The following RPS9 variants were observed in gnomAD, a reference collection of about 807,000 sequenced individuals.
RPS9 encodes small ribosomal subunit protein uS4.
A neutral mutation model predicts 16.9 loss-of-function variants in RPS9; 1 was observed. The observed-to-expected ratio is 0.06, with a 90% CI of 0.02 to 0.28. The LOEUF (loss-of-function observed/expected upper bound fraction) is 0.28, where lower values mean the gene tolerates loss of function less well. Ranked by LOEUF, RPS9 falls within the 10% of genes least tolerant of loss-of-function variation. The pLI, the probability that RPS9 is intolerant of heterozygous loss-of-function variation, is 1.00. For synonymous variants in RPS9, 106 were observed against 110.9 expected (o/e 0.96, Z 0.28); for missense variants, 137 against 273.2 (o/e 0.50, Z 3.51).
At position 54,201,291 on chromosome 19, in the gene RPS9, C is replaced by A. The variant is rs375976616; in HGVS notation, c.97+10C>A. Reference sequence around the variant, plus strand: ...GAGCTGAAGCTGATCGGTGAGTGGCCAAGGCTTCCGGGAAGTGGTTCGGCT... The same window carrying A: ...GAGCTGAAGCTGATCGGTGAGTGGCAAAGGCTTCCGGGAAGTGGTTCGGCT... On this transcript the variant is annotated intron_variant, in intron 2 of 4. Transcript: ENST00000302907. The A allele has an allele frequency of 1.4e-5, 22 of 1,613,894 alleles. No individual in the cohort carries two copies. The highest frequency in any genetic ancestry group is 1.8e-5 in the Non-Finnish European group (21 of 1,180,008).
At chr19:54,206,768 C>T in intron 4 of RPS9, 2 of 1,431,976 alleles carry the variant, frequency 1.4e-6, no homozygotes, top group South Asian at 1.5e-5. Context: ...GAACCAGCCT[C>T]ACCTCGCTTG....
chr19:54,204,086 C>T (rs12973461), intron 3 of RPS9, among the ~76,000 whole-genome samples: 46,543 of 151,978 alleles, frequency 0.31, 8,394 homozygotes, highest in East Asian at 0.43. Context: ...ATAGATGGTT[C>T]AATAAATGTG....
At chr19:54,202,660 C>T (rs2077099579) in intron 3 of RPS9, 4 of 985,286 alleles carry the variant, frequency 4.1e-6, no homozygotes, top group African/African-American at 3.5e-5. Flanking sequence ...AGCAGATTGG[C>T]ATGACCAAGA....
Position 54,207,504 on chromosome 19 carries a change from C to T in RPS9, c.514C>T (p.Arg172Cys), listed in dbSNP as rs776634735. The T allele has an allele frequency of 6.2e-7, 1 of 1,613,040 alleles. No homozygotes were observed. The highest frequency in any genetic ancestry group is 8.5e-7 in the Non-Finnish European group (1 of 1,180,012). The change falls in exon 5 of 5, where the codon CGC becomes TGC. Residue 172 changes from arginine (R) to cysteine (C), a missense_variant. Arg to Cys is a radical substitution (Grantham distance 180, BLOSUM62 -3). Around this residue, in one of 3 missense-constraint regions of RPS9, gnomAD observed 54 missense variants for 90.9 expected, o/e 0.59. Coordinates refer to ENST00000302907, the MANE Select transcript of RPS9 (RefSeq NM_001013.4). ...TCCCTACGGGGGTGGCCGCCCGGGC[C>T]GCGTGAAGAGGAAGAATGCCAAGAA... is the stretch of plus-strand genomic sequence containing the variant. ...RSPYGGGRPG[R>C]VKRKNAKKGQ...
chr19:54,205,019 A>T (rs2077192127), intron 3 of RPS9, among the ~76,000 whole-genome samples: 1 of 152,166 alleles, frequency 6.6e-6, no homozygotes, highest in Non-Finnish European at 1.5e-5. Context: ...CTTTGCTTGG[A>T]GGGTAACAGT....
chr19:54,202,000 TG>T, intron 3 of RPS9: 1 of 193,224 alleles, frequency 5.2e-6, no homozygotes. Context: ...CTTGGTTTAT[TG>T]TTTTTTTAAT....
chr19:54,205,961 C>A lies in RPS9; in HGVS notation c.221-315C>A, dbSNP rs371238613. Among the ~76,000 whole-genome samples the A allele has an allele frequency of 2.6e-5, 4 of 152,334 alleles. No homozygotes were observed. In the East Asian group the frequency reaches 5.8e-4, roughly 22 times the overall value. On this transcript the variant is annotated intron_variant, in intron 3 of 4. Coordinates refer to ENST00000302907, the MANE Select transcript of RPS9 (RefSeq NM_001013.4). ...CCTCCTGAATAGCTGGGATTACAGG[C>A]AGTGCGCCAACGGCCTGGCTAATTT...
intron 1 of RPS9, 24 bp from the exon 2 acceptor site, chr19:54,201,136 C>T (rs76193453): frequency 1.9e-6 from 3 of 1,611,872 alleles, no homozygotes; most frequent in Admixed American, 1.7e-5. Flanking sequence ...GGATCCCTTA[C>T]GCTCACACTT....
chr19:54,204,816 T>C (rs2077186040), intron 3 of RPS9, among the ~76,000 whole-genome samples: 1 of 146,104 alleles, frequency 6.8e-6, no homozygotes, highest in African/African-American at 2.4e-5. Context: ...GACATGTTTT[T>C]GTATTTTGAT....
In RPS9 at chr19:54,201,468, AC is replaced by A. The variant is rs763327291; in HGVS notation, c.98-14del. The A allele has an allele frequency of 5.0e-6, 8 of 1,613,312 alleles. No homozygotes were observed. The highest frequency in any genetic ancestry group is 4.0e-5 in the African/African-American group (3 of 74,604). ...CCAGTACGTGGGACTACACTTGTCC[AC>A]CCCCTTCTCCCCACCAGGCGAGTAT... On this transcript the variant is annotated intron_variant, in intron 2 of 4. Transcript: ENST00000302907.
At chr19:54,203,752 GAC>G (rs1303958827) in intron 3 of RPS9, among the ~76,000 whole-genome samples, 2 of 151,008 alleles carry the variant, frequency 1.3e-5, no homozygotes, top group East Asian at 3.9e-4. Flanking sequence ...GTGACAGCGA[GAC>G]ACAAAACAAC....
At chr19:54,203,629 C>G (rs542591591) in intron 3 of RPS9, among the ~76,000 whole-genome samples, 2 of 152,124 alleles carry the variant, frequency 1.3e-5, no homozygotes, top group East Asian at 3.9e-4. Flanking sequence ...AAAAATTAGC[C>G]GAGCATGGTG....
chr19:54,201,357 C>G lies in RPS9; in HGVS notation c.97+76C>G, dbSNP rs542503744. On this transcript the variant is annotated intron_variant, in intron 2 of 4. Transcript: ENST00000302907. Reference sequence around the variant, plus strand: ...GCACGTGGATGAAGGTGCCCATGTACTCTATCTAGTCCGTCCCCTAAATTT... The same window carrying G: ...GCACGTGGATGAAGGTGCCCATGTAGTCTATCTAGTCCGTCCCCTAAATTT... The G allele has an allele frequency of 5.0e-6, 8 of 1,611,144 alleles. 1 individual carries two copies. The South Asian group carries it at 6.6e-5, about 13-fold the overall frequency.
intron 3 of RPS9, 28 bp downstream of exon 3, chr19:54,201,637 A>G: frequency 1.2e-6 from 2 of 1,613,652 alleles, no homozygotes; most frequent in Non-Finnish European, 1.7e-6. Context: ...CAGCAGAGGG[A>G]TGGGGTGCAG....
chr19:54,202,967 G>A (rs2077112085), intron 3 of RPS9: 1 of 959,998 alleles, frequency 1.0e-6, no homozygotes, highest in African/African-American at 1.8e-5. Context: ...CAAAGTGCTG[G>A]GGTTACAGGT....
rs113702574 is a variant in RPS9 at position 54,204,652 on chromosome 19, G to A, written c.221-1624G>A. Among the ~76,000 whole-genome samples the A allele has an allele frequency of 2.5e-3, 376 of 152,274 alleles. 3 individuals carry two copies. Among genetic ancestry groups the A allele is most frequent in the African/African-American group, 8.4e-3 (351 of 41,554 alleles). ...TAGTTTCAAACTTCTGGACTCAACTGATCCTCCTGCCTCAGCCTCCCAAAA... is the reference window on the plus strand; with the variant it reads ...TAGTTTCAAACTTCTGGACTCAACTAATCCTCCTGCCTCAGCCTCCCAAAA... On this transcript the variant is annotated intron_variant, in intron 3 of 4. Coordinates refer to ENST00000302907, the MANE Select transcript of RPS9 (RefSeq NM_001013.4).
rs200744454 is a variant in RPS9, at chr19:54,205,134, A to G, written c.221-1142A>G. On this transcript the variant is annotated intron_variant, in intron 3 of 4. Transcript: ENST00000302907. Reference sequence around the variant, plus strand: ...AGCCACTTTTTATAAAAGTGCACATAAGGAAAAAAGGTTGAGGTGTTTACC... The same window carrying G: ...AGCCACTTTTTATAAAAGTGCACATGAGGAAAAAAGGTTGAGGTGTTTACC... Among the ~76,000 whole-genome samples, 21 of 152,178 alleles carry G rather than the reference A, an allele frequency of 1.4e-4. No homozygotes were observed. In the East Asian group the frequency reaches 2.1e-3, roughly 15 times the overall value.
At chr19:54,205,354 G>A (rs893078050) in intron 3 of RPS9, among the ~76,000 whole-genome samples, 2 of 150,942 alleles carry the variant, frequency 1.3e-5, no homozygotes, top group African/African-American at 4.9e-5. Flanking sequence ...AGGTGTAGTA[G>A]GGCATCTGTT....
intron 3 of RPS9, among the ~76,000 whole-genome samples, chr19:54,203,708 C>T (rs3852886): frequency 0.3 from 45,881 of 151,000 alleles, 8,247 homozygotes; most frequent in East Asian, 0.43. Context: ...GAGACAGAGA[C>T]TGCAGTGAGC....
Sources: gnomAD v4.1 joint callset for allele counts (sites outside exome capture counted in the v4.1 genomes callset) on GRCh38, gnomAD v4.1.1 for gene constraint, gnomAD v4.1.1 regional missense constraint, MANE v1.5 for transcripts, NCBI Gene and HGNC (gene_info 2026-07-23, HGNC 2026-07-21) for gene names.